Variants in COMMD10 observed in about 807,000 individuals in gnomAD.
COMMD10 encodes COMM domain containing 10.
A neutral mutation model predicts 28.9 loss-of-function variants in COMMD10; 33 were observed. That is an observed-to-expected ratio of 1.14 (90% CI 0.87 to 1.53). COMMD10 has a LOEUF of 1.53. Ranked by LOEUF, COMMD10 falls within the 40% of genes most tolerant of loss-of-function variation. COMMD10 has a pLI of 0.00. For missense variants in COMMD10, 310 were observed against 233.4 expected (o/e 1.33, Z -2.14); for synonymous variants, 110 against 81.7 (o/e 1.35, Z -1.87).
intron 5 of COMMD10, among the ~76,000 whole-genome samples, chr5:116,183,412 A>G (rs1748039407): frequency 1.3e-5 from 2 of 152,254 alleles, no homozygotes; most frequent in Admixed American, 1.3e-4. Context: ...CAGTGACTAC[A>G]TAGACTCATT....
At chr5:116,224,289 T>C (rs1286451954) in intron 5 of COMMD10, among the ~76,000 whole-genome samples, 1 of 152,226 alleles carries the variant, frequency 6.6e-6, no homozygotes, top group Non-Finnish European at 1.5e-5. Context: ...GGAAACTCTA[T>C]GTAGATAGGA....
intron 5 of COMMD10, among the ~76,000 whole-genome samples, chr5:116,250,489 T>A (rs1045700996): frequency 6.6e-6 from 1 of 150,908 alleles, no homozygotes; most frequent in Middle Eastern, 3.2e-3. Flanking sequence ...GGAAAAAAAA[T>A]TCTATTTGAT....
In COMMD10 at chr5:116,200,718, T is replaced by G. The variant is rs576290924; in HGVS notation, c.510+66540T>G. ...TTGTCCATTCAACGGCATTCTTGAT[T>G]TCTGTTACAGTGGTTTTTTTGGTCT... On this transcript the variant is annotated intron_variant, in intron 5 of 6. Transcript: ENST00000274458. 4.6e-5 allele frequency among the ~76,000 whole-genome samples: 7 copies of G among 152,258 alleles called. No homozygotes were observed. The South Asian group carries it at 1.5e-3, about 32-fold the overall frequency.
chr5:116,244,756 G>C (rs758935775), intron 5 of COMMD10, among the ~76,000 whole-genome samples: 4 of 149,614 alleles, frequency 2.7e-5, no homozygotes, highest in Non-Finnish European at 4.4e-5. Context: ...AATTAAGGCA[G>C]AAATCAAGAA....
rs906317550 is a variant in COMMD10, at chr5:116,086,588, A to T, written c.42-909A>T. Among the ~76,000 whole-genome samples, 23 of 152,078 alleles carry T rather than the reference A, an allele frequency of 1.5e-4. 1 individual carries two copies. Among genetic ancestry groups the T allele is most frequent in the African/African-American group, 5.6e-4 (23 of 41,416 alleles). ...ATTCTCCTCCCTGAGCCTCCTGAGT[A>T]GCTGGGATTACAGGCACCCGCCACC... On this transcript the variant is annotated intron_variant, in intron 1 of 6. Transcript: ENST00000274458.
intron 4 of COMMD10, among the ~76,000 whole-genome samples, chr5:116,121,671 A>G (rs572951625): frequency 2.3e-4 from 35 of 152,288 alleles, no homozygotes; most frequent in South Asian, 6.2e-4. Flanking sequence ...AATGATCGCC[A>G]TTCTAACTGG....
At chr5:116,222,099 AT>A (rs1749275064) in intron 5 of COMMD10, among the ~76,000 whole-genome samples, 1 of 152,176 alleles carries the variant, frequency 6.6e-6, no homozygotes, top group Admixed American at 6.5e-5. Context: ...AAGAATGTTA[AT>A]GCCATCTGGG....
chr5:116,166,896 C>G (rs79942798), intron 5 of COMMD10, among the ~76,000 whole-genome samples: 16,547 of 152,012 alleles, frequency 0.11, 1,335 homozygotes, highest in African/African-American at 0.22. Context: ...AGGAAAAAAA[C>G]CAATGCAGAA....
chr5:116,098,763 T>TA (rs1289874487), intron 4 of COMMD10, among the ~76,000 whole-genome samples: 2 of 152,172 alleles, frequency 1.3e-5, no homozygotes, highest in South Asian at 2.1e-4. Context: ...GAAATAATGT[T>TA]AAAAAATCAA....
chr5:116,210,322 A>T (rs1748928106), intron 5 of COMMD10, among the ~76,000 whole-genome samples: 1 of 150,584 alleles, frequency 6.6e-6, no homozygotes, highest in African/African-American at 2.4e-5. Flanking sequence ...GTATGTATTT[A>T]TATATATATA....
chr5:116,246,693 C>A (rs943983010), intron 5 of COMMD10, among the ~76,000 whole-genome samples: 2 of 152,060 alleles, frequency 1.3e-5, no homozygotes, highest in Non-Finnish European at 2.9e-5. Flanking sequence ...CATATACCTA[C>A]AACTATCTGA....
intron 4 of COMMD10, among the ~76,000 whole-genome samples, chr5:116,100,684 A>AC (rs1251727892): frequency 2.0e-5 from 3 of 151,938 alleles, no homozygotes. Context: ...AATTGAAAAA[A>AC]AAACTTGACA....
intron 5 of COMMD10, among the ~76,000 whole-genome samples, chr5:116,240,733 ATTAC>A (rs796951401): frequency 2.0e-4 from 30 of 152,346 alleles, no homozygotes; most frequent in Admixed American, 9.1e-4. Flanking sequence ...AAATCTGGGT[ATTAC>A]TTAGGTCAAC....
At chr5:116,146,157 T>C (rs942054770) in intron 5 of COMMD10, among the ~76,000 whole-genome samples, 4 of 151,854 alleles carry the variant, frequency 2.6e-5, no homozygotes, top group African/African-American at 9.7e-5. Flanking sequence ...AGCTGGTCTT[T>C]TGCGAACCTT....
chr5:116,205,148 A>G (rs1342310406), intron 5 of COMMD10, among the ~76,000 whole-genome samples: 1 of 152,210 alleles, frequency 6.6e-6, no homozygotes, highest in East Asian at 1.9e-4. Flanking sequence ...TTAAAGCAAT[A>G]ATAAATATAA....
At chr5:116,284,699 T>G (rs545926542) in intron 5 of COMMD10, among the ~76,000 whole-genome samples, 6 of 152,026 alleles carry the variant, frequency 3.9e-5, no homozygotes, top group African/African-American at 1.2e-4. Flanking sequence ...GTTGTTAGAG[T>G]TGCTACTGAT....
chr5:116,239,192 A>G (rs749795869), intron 5 of COMMD10, among the ~76,000 whole-genome samples: 27 of 152,206 alleles, frequency 1.8e-4, no homozygotes, highest in Non-Finnish European at 2.5e-4. Flanking sequence ...TCACACAAGA[A>G]TCTTAGTGGA....
At chr5:116,182,442 G>C (rs114141807) in intron 5 of COMMD10, among the ~76,000 whole-genome samples, 8 of 152,030 alleles carry the variant, frequency 5.3e-5, no homozygotes, top group African/African-American at 1.9e-4. Context: ...CAGCTGTTTT[G>C]AGAGAGTTTG....
At chr5:116,234,405 G>A (rs1403588693) in intron 5 of COMMD10, among the ~76,000 whole-genome samples, 3 of 152,106 alleles carry the variant, frequency 2.0e-5, no homozygotes, top group African/African-American at 2.4e-5. Context: ...TTCAATTTTA[G>A]AATAATTATT....
Sources: gnomAD v4.1 joint callset for allele counts (sites outside exome capture counted in the v4.1 genomes callset) on GRCh38, gnomAD v4.1.1 for gene constraint, MANE v1.5 for transcripts, NCBI Gene and HGNC (gene_info 2026-07-23, HGNC 2026-07-21) for gene names.